TEX11: variants seen among roughly 807,000 people sequenced by gnomAD.
TEX11 encodes the protein testis-expressed protein 11.
TEX11 carries 7 observed loss-of-function variants against 84.4 expected under a neutral mutation model. The observed-to-expected ratio is 0.08, with a 90% CI of 0.05 to 0.16. The LOEUF (loss-of-function observed/expected upper bound fraction) is 0.16, where lower values mean the gene tolerates loss of function less well. TEX11 is among the 10% of genes least tolerant of loss of function. The pLI, the probability that TEX11 is intolerant of heterozygous loss-of-function variation, is 1.00. For synonymous variants in TEX11, 264 were observed against 222.8 expected, an observed-to-expected ratio of 1.18 and a Z score of -1.64; for missense variants, 551 against 660.5, an observed-to-expected ratio of 0.83 and a Z score of 1.82.
At chrX:70,618,150 A>G (rs868651587) in intron 20 of TEX11, among the ~76,000 whole-genome samples, 1 of 111,792 alleles carries the variant, frequency 8.9e-6, no homozygotes, top group African/African-American at 3.2e-5. Context: ...GTTTTGACTG[A>G]CTCATTGGCA....
rs767035752 is a variant in TEX11 at position 70,606,944 on chromosome X, T to C, written c.1950+15A>G. 3.5e-6 allele frequency: 4 copies of C among 1,139,504 alleles called. No homozygotes were observed. The African/African-American group carries it at 5.4e-5, about 16-fold the overall frequency. The allele number at this position is 1,139,504 out of a possible 1,213,427, so 93.9% of individuals were successfully genotyped here. On this transcript the variant is annotated intron_variant, in intron 23 of 29. Coordinates refer to ENST00000374333, the MANE Select transcript of TEX11 (RefSeq NM_031276.3). Reference sequence around the variant, plus strand: ...TTGTGGTCCATACATGAGATACTTATTAAAAGAAACTTACCTTATAAGAAA... The same window carrying C: ...TTGTGGTCCATACATGAGATACTTACTAAAAGAAACTTACCTTATAAGAAA...
Position 70,777,590 on chromosome X carries a change from G to A in TEX11, c.692+29115C>T, listed in dbSNP as rs766000864. On this transcript the variant is annotated intron_variant, in intron 9 of 29. Transcript: ENST00000374333. Reference sequence around the variant, plus strand: ...CTTGAACCCAGGAGGCAGACGTTGCGGTGAGCCGATATCACATCATTGCAC... The same window carrying A: ...CTTGAACCCAGGAGGCAGACGTTGCAGTGAGCCGATATCACATCATTGCAC... Among the ~76,000 whole-genome samples the A allele has an allele frequency of 9.8e-5, 11 of 111,790 alleles. No individual in the cohort carries two copies. The South Asian group carries it at 1.5e-3, about 15-fold the overall frequency.
chrX:70,788,249 C>T (rs781225783), intron 9 of TEX11, among the ~76,000 whole-genome samples: 3 of 111,751 alleles, frequency 2.7e-5, no homozygotes, highest in Non-Finnish European at 5.6e-5. Context: ...GTTCACACAA[C>T]CTAATTTCAA....
At chrX:70,578,284 G>T (rs1336957978) in intron 25 of TEX11, among the ~76,000 whole-genome samples, 1 of 111,977 alleles carries the variant, frequency 8.9e-6, no homozygotes, top group African/African-American at 3.2e-5. Flanking sequence ...CTTGGTAGCA[G>T]CAATGACTGG....
chrX:70,715,611 G>A (rs1238576156), intron 13 of TEX11, among the ~76,000 whole-genome samples: 3 of 111,857 alleles, frequency 2.7e-5, no homozygotes, highest in East Asian at 2.8e-4. Context: ...CATTTGTCAC[G>A]CAGTTCTCGT....
At chrX:70,654,656 A>G (rs1340343561) in intron 16 of TEX11, among the ~76,000 whole-genome samples, 1 of 97,977 alleles carries the variant, frequency 1.0e-5, no homozygotes, top group African/African-American at 3.8e-5. Flanking sequence ...GTTTGCAGTG[A>G]GCAGAGATTG....
chrX:70,524,237 C>G (rs757417981), downstream of TEX11, among the ~76,000 whole-genome samples: 1 of 112,314 alleles, frequency 8.9e-6, no homozygotes, highest in Non-Finnish European at 1.9e-5. Context: ...GAGACTTGGT[C>G]CTCTATTTTG....
intron 28 of TEX11, among the ~76,000 whole-genome samples, chrX:70,546,701 A>T (rs2088130528): frequency 9.0e-6 from 1 of 111,301 alleles, no homozygotes; most frequent in Non-Finnish European, 1.9e-5. Flanking sequence ...AAAAAAGAAA[A>T]GATGAACAAT....
rs1305232940 is a variant in TEX11 at position 70,621,577 on chromosome X, TAA to T, written c.1751+2371_1751+2372del. 1.7e-3 allele frequency among the ~76,000 whole-genome samples: 95 copies of T among 56,551 alleles called. 5 individuals carry two copies. The highest frequency in any genetic ancestry group is 4.8e-3 in the East Asian group (8 of 1,682). 49.1% of individuals were successfully genotyped at this position (56,551 alleles called of 115,157 possible). Reference sequence around the variant, plus strand: ...ATATATATATATATATATATATATATAAATAAAAATAAAATATTAAACTTAAA... The same window carrying T: ...ATATATATATATATATATATATATATATAAAAATAAAATATTAAACTTAAA... On this transcript the variant is annotated intron_variant, in intron 20 of 29. Transcript: ENST00000374333.
At chrX:70,560,897 T>G (rs1339022689) in intron 25 of TEX11, among the ~76,000 whole-genome samples, 2 of 29,027 alleles carry the variant, frequency 6.9e-5, no homozygotes, top group Non-Finnish European at 1.2e-4. Flanking sequence ...ACACCGGTTT[T>G]TTTTTTTTTT....
intron 9 of TEX11, among the ~76,000 whole-genome samples, chrX:70,765,431 A>G (rs1055718598): frequency 8.9e-6 from 1 of 111,913 alleles, no homozygotes; most frequent in Non-Finnish European, 1.9e-5. Flanking sequence ...TATTAAAAAG[A>G]TCATCATGAC....
intron 13 of TEX11, among the ~76,000 whole-genome samples, chrX:70,690,337 T>C (rs1411227072): frequency 3.6e-5 from 4 of 110,868 alleles, no homozygotes; most frequent in African/African-American, 6.6e-5. Context: ...CTGTGTAGAG[T>C]GTATATGGCA....
chrX:70,869,205 ACT>A (rs1416371359), intron 4 of TEX11, among the ~76,000 whole-genome samples: 1 of 109,636 alleles, frequency 9.1e-6, no homozygotes, highest in East Asian at 2.8e-4. Context: ...ATTTTCAAAG[ACT>A]CTGATCTCTC....
At chrX:70,725,951 G>A (rs756440255) in intron 11 of TEX11, among the ~76,000 whole-genome samples, 1 of 111,741 alleles carries the variant, frequency 8.9e-6, no homozygotes, top group African/African-American at 3.2e-5. Context: ...CATGAACACC[G>A]TACTGATTAG....
At chrX:70,819,418 G>A (rs887930422) in intron 8 of TEX11, among the ~76,000 whole-genome samples, 3 of 110,951 alleles carry the variant, frequency 2.7e-5, no homozygotes, top group Admixed American at 9.7e-5. Context: ...AACAAAATAG[G>A]TATACGAGGA....
chrX:70,665,084 A>AGTCTCATCTTTGT (rs1188031928), intron 16 of TEX11, among the ~76,000 whole-genome samples: 47 of 111,036 alleles, frequency 4.2e-4, no homozygotes, highest in African/African-American at 1.5e-3. Flanking sequence ...GTCTGTTGTA[A>AGTCTCATCTTTGT]GTCTTACAGC....
At position 70,601,852 on chromosome X, in the gene TEX11, G is replaced by A. The variant is rs767747417; in HGVS notation, c.2067+3549C>T. 9.9e-3 allele frequency among the ~76,000 whole-genome samples: 1,064 copies of A among 107,057 alleles called. 12 individuals carry two copies. The highest frequency in any genetic ancestry group is 0.035 in the African/African-American group (1,014 of 29,383). The allele number at this position is 107,057 out of a possible 115,157, so 93.0% of individuals were successfully genotyped here. A position where few individuals can be genotyped will look rare whatever the true frequency, so the allele number is the denominator to read the frequency against. On this transcript the variant is annotated intron_variant, in intron 24 of 29. Transcript: ENST00000374333. ...ATGTTTCAGAGAGCACAGGGTTGGGGATAAGGTCACAGATCAACAGGATCC... is the reference window on the plus strand; with the variant it reads ...ATGTTTCAGAGAGCACAGGGTTGGGAATAAGGTCACAGATCAACAGGATCC...
chrX:70,822,067 A>G (rs910002646), intron 8 of TEX11, among the ~76,000 whole-genome samples: 1 of 111,322 alleles, frequency 9.0e-6, no homozygotes, highest in East Asian at 2.8e-4. Context: ...TCTCTAGATT[A>G]CTTATAATAT....
At chrX:70,661,713 A>G (rs777397877) in intron 16 of TEX11, among the ~76,000 whole-genome samples, 4 of 111,397 alleles carry the variant, frequency 3.6e-5, no homozygotes, top group African/African-American at 9.8e-5. Flanking sequence ...CATTTGCCTG[A>G]TATCCACTGT....
Sources: gnomAD v4.1 joint callset for allele counts (sites outside exome capture counted in the v4.1 genomes callset) on GRCh38, gnomAD v4.1.1 for gene constraint, MANE v1.5 for transcripts, NCBI Gene and HGNC (gene_info 2026-07-23, HGNC 2026-07-21) for gene names.